Variants in KRTAP19-2 observed in about 807,000 individuals in gnomAD.
The protein encoded by KRTAP19-2 is keratin-associated protein 19-2.
KRTAP19-2 carries 2 observed loss-of-function variants against 0.3 expected under a neutral mutation model. The observed-to-expected ratio is 6.87, with a 90% CI of 2.81 to 21.61. KRTAP19-2 has a LOEUF of 21.61. Among genes scored for constraint, KRTAP19-2 ranks in the 30% most tolerant of loss-of-function variants. The pLI is 0.03. For missense variants in KRTAP19-2, 63 were observed against 63.1 expected (o/e 1.00, Z 0.00); for synonymous variants, 31 against 24.6 (o/e 1.26, Z -0.77).
At position 30,487,214 on chromosome 21, in the gene KRTAP19-2, T is replaced by C; in HGVS notation, c.135A>G (p.Arg45=). ...DGCCCPSCYR[R]YRFTGFY The stretch of plus-strand genomic sequence containing the variant: ...CTTAGTAGAAGCCAGTGAATCTATA[T>C]CTTCTGTAGCATGATGGGCAGCAGC... The change falls in exon 1 of 1, where the codon AGA becomes AGG. Residue 45 remains arginine (R), a synonymous_variant. Coordinates refer to ENST00000334055, the MANE Select transcript of KRTAP19-2 (RefSeq NM_181608.2). The C allele has an allele frequency of 6.2e-7, 1 of 1,614,152 alleles. No individual in the cohort carries two copies. The highest frequency in any genetic ancestry group is 8.5e-7 in the Non-Finnish European group (1 of 1,180,022).
At position 30,487,071 on chromosome 21, in the gene KRTAP19-2, TC is replaced by T. The variant is rs547103435; in HGVS notation, c.*118del. 210 of 1,099,558 alleles carry T rather than the reference TC, an allele frequency of 1.9e-4. No individual in the cohort carries two copies. In the African/African-American group the frequency reaches 3.0e-3, roughly 16 times the overall value. The allele number at this position is 1,099,558 out of a possible 1,614,324, so 68.1% of individuals were successfully genotyped here. On this transcript the variant is annotated 3_prime_UTR_variant, in exon 1 of 1. Transcript: ENST00000334055. ...TAGCCCCTTTGTTTTGGTCAATTTC[TC>T]CCTTTGGAATGGGAGCATTTACACA...
In KRTAP19-2 at chr21:30,487,076, T is replaced by G. The variant is rs1159445972; in HGVS notation, c.*114A>C. 1.7e-6 allele frequency: 2 copies of G among 1,157,748 alleles called. No homozygotes were observed. Among genetic ancestry groups the G allele is most frequent in the African/African-American group, 3.0e-5 (2 of 65,624 alleles). The allele number at this position is 1,157,748 out of a possible 1,614,324, so 71.7% of individuals were successfully genotyped here. On this transcript the variant is annotated 3_prime_UTR_variant, in exon 1 of 1. Transcript: ENST00000334055. ...CCTTTGTTTTGGTCAATTTCTCCCTTTGGAATGGGAGCATTTACACATTTA... is the reference window on the plus strand; with the variant it reads ...CCTTTGTTTTGGTCAATTTCTCCCTGTGGAATGGGAGCATTTACACATTTA...
chr21:30,487,324 A>C lies in KRTAP19-2; in HGVS notation c.25T>G (p.Cys9Gly). Residue 9 changes from cysteine to glycine, a missense_variant, in exon 1 of 1, where the codon TGT (cysteine) becomes GGT (glycine). Transcript: ENST00000334055. Reference sequence around the variant, plus strand: ...TAGCCCAGTCTGCAGAAGCTGCCACATCCACAGCCGTAGCCATAGCACATG... The same window carrying C: ...TAGCCCAGTCTGCAGAAGCTGCCACCTCCACAGCCGTAGCCATAGCACATG... MCYGYGCG[C>G]GSFCRLGYGC... The C allele has an allele frequency of 6.2e-7, 1 of 1,610,442 alleles. No individual in the cohort carries two copies. Among genetic ancestry groups the C allele is most frequent in the South Asian group, 1.1e-5 (1 of 90,892 alleles).
the KRTAP19-2 span, chr21:30,487,309 T>A: frequency 1.2e-6 from 2 of 1,613,942 alleles, no homozygotes; most frequent in Non-Finnish European, 1.7e-6. Flanking sequence ...TAGCCCAGTC[T>A]GCAGAAGCTG....
chr21:30,487,424 G>C lies in KRTAP19-2; in HGVS notation c.-76C>G. ...AGTAGCTCACGGTGTCAGAGATAGT[G>C]AGTTGGGTTTGCTGTCCCAGGCAAG... On this transcript the variant is annotated 5_prime_UTR_variant, in exon 1 of 1. Coordinates refer to ENST00000334055, the MANE Select transcript of KRTAP19-2 (RefSeq NM_181608.2). The C allele has an allele frequency of 1.2e-6, 2 of 1,609,262 alleles. No homozygotes were observed. The highest frequency in any genetic ancestry group is 8.5e-7 in the Non-Finnish European group (1 of 1,176,804).
Position 30,487,085 on chromosome 21 carries a change from G to A in KRTAP19-2, c.*105C>T. 2 of 1,226,086 alleles carry A rather than the reference G, an allele frequency of 1.6e-6. No individual in the cohort carries two copies. Among genetic ancestry groups the A allele is most frequent in the Middle Eastern group, 4.2e-4 (2 of 4,802 alleles). 76.0% of individuals were successfully genotyped at this position (1,226,086 alleles called of 1,614,324 possible). A position where few individuals can be genotyped will look rare whatever the true frequency, so the allele number is the denominator to read the frequency against. On this transcript the variant is annotated 3_prime_UTR_variant, in exon 1 of 1. Transcript: ENST00000334055. ...TGGTCAATTTCTCCCTTTGGAATGG[G>A]AGCATTTACACATTTACACCTTTAC...
rs532965343 is a variant in KRTAP19-2 at position 30,487,140 on chromosome 21, G to A, written c.*50C>T. 25 of 1,574,350 alleles carry A rather than the reference G, an allele frequency of 1.6e-5. No individual in the cohort carries two copies. The highest frequency in any genetic ancestry group is 1.3e-4 in the South Asian group (12 of 90,116). ...ATTGTATCTTAGAAGTAAGTAACTT[G>A]TTTTTAAATCCCTTCAAAATAACAG... On this transcript the variant is annotated 3_prime_UTR_variant, in exon 1 of 1. Transcript: ENST00000334055.
rs1173406103 is a variant in KRTAP19-2, at chr21:30,487,365, C to G, written c.-17G>C. On this transcript the variant is annotated 5_prime_UTR_variant, in exon 1 of 1. Transcript: ENST00000334055. ...ATAGCACATGCCACCAAAGCCTCCA[C>G]AGCCATAGCCCAGACCTCCACAGTA... 1.5e-5 allele frequency: 25 copies of G among 1,613,922 alleles called. No homozygotes were observed. The East Asian group carries it at 5.6e-4, about 36-fold the overall frequency.
chr21:30,487,196 G>C lies in KRTAP19-2; in HGVS notation c.153C>G (p.Phe51Leu). 1 of 1,614,102 alleles carries C rather than the reference G, an allele frequency of 6.2e-7. No individual in the cohort carries two copies. Among genetic ancestry groups the C allele is most frequent in the Non-Finnish European group, 8.5e-7 (1 of 1,179,990 alleles). Residue 51 changes from phenylalanine to leucine, a missense_variant, in exon 1 of 1, where the codon TTC becomes TTG. Coordinates refer to ENST00000334055, the MANE Select transcript of KRTAP19-2 (RefSeq NM_181608.2). Reference sequence around the variant, plus strand: ...GCATCACTAGAGCAGCAGCTTAGTAGAAGCCAGTGAATCTATATCTTCTGT... The same window carrying C: ...GCATCACTAGAGCAGCAGCTTAGTACAAGCCAGTGAATCTATATCTTCTGT... The part of the protein sequence containing the change: ...SCYRRYRFTG[F>L]Y
In KRTAP19-2 at chr21:30,487,326, C is replaced by G; in HGVS notation, c.23G>C (p.Gly8Ala). The G allele has an allele frequency of 1.9e-6, 3 of 1,610,518 alleles. No individual in the cohort carries two copies. Among genetic ancestry groups the G allele is most frequent in the Non-Finnish European group, 2.5e-6 (3 of 1,177,038 alleles). Residue 8 changes from glycine to alanine, a missense_variant, in exon 1 of 1, where the codon GGA (glycine) becomes GCA (alanine). Gly to Ala is a moderately conservative substitution (Grantham distance 60). Transcript: ENST00000334055. ...GCCCAGTCTGCAGAAGCTGCCACAT[C>G]CACAGCCGTAGCCATAGCACATGCC... MCYGYGCGCGSFCRLGYG... is the reference protein window; with the variant it reads MCYGYGCACGSFCRLGYG...
chr21:30,487,286 A>G lies in KRTAP19-2; in HGVS notation c.63T>C (p.Tyr21=), dbSNP rs1053384801. 6.2e-7 allele frequency: 1 copy of G among 1,613,992 alleles called. No individual in the cohort carries two copies. Among genetic ancestry groups the G allele is most frequent in the African/African-American group, 1.3e-5 (1 of 74,900 alleles). ...SFCRLGYGCG[Y]EGCRYGCGHR... ...GGCCACAACCATATCTGCATCCTTCATAGCCGCAGCCATAGCCCAGTCTGC... is the reference window on the plus strand; with the variant it reads ...GGCCACAACCATATCTGCATCCTTCGTAGCCGCAGCCATAGCCCAGTCTGC... The change falls in exon 1 of 1, where the codon TAT becomes TAC. Residue 21 remains tyrosine, a synonymous_variant. Coordinates refer to ENST00000334055, the MANE Select transcript of KRTAP19-2 (RefSeq NM_181608.2).
At position 30,487,207 on chromosome 21, in the gene KRTAP19-2, A is replaced by G; in HGVS notation, c.142T>C (p.Phe48Leu). 2 of 1,614,136 alleles carry G rather than the reference A, an allele frequency of 1.2e-6. No individual in the cohort carries two copies. Among genetic ancestry groups the G allele is most frequent in the Admixed American group, 3.3e-5 (2 of 60,026 alleles). The change falls in exon 1 of 1, where the codon TTC becomes CTC. Residue 48 changes from phenylalanine to leucine, a missense_variant. Transcript: ENST00000334055. ...GCAGCAGCTTAGTAGAAGCCAGTGA[A>G]TCTATATCTTCTGTAGCATGATGGG... ...CCPSCYRRYR[F>L]TGFY
chr21:30,487,318 T>C lies in KRTAP19-2; in HGVS notation c.31A>G (p.Ser11Gly). Reference sequence around the variant, plus strand: ...CAGCCATAGCCCAGTCTGCAGAAGCTGCCACATCCACAGCCGTAGCCATAG... The same window carrying C: ...CAGCCATAGCCCAGTCTGCAGAAGCCGCCACATCCACAGCCGTAGCCATAG... Reference protein sequence around the residue: MCYGYGCGCGSFCRLGYGCGY... With the variant: MCYGYGCGCGGFCRLGYGCGY... The change falls in exon 1 of 1, where the codon AGC (serine) becomes GGC (glycine). Residue 11 changes from serine to glycine, a missense_variant. Transcript: ENST00000334055. The C allele has an allele frequency of 6.2e-7, 1 of 1,613,946 alleles. No homozygotes were observed. The highest frequency in any genetic ancestry group is 8.5e-7 in the Non-Finnish European group (1 of 1,179,922).
chr21:30,487,427 T>G lies in KRTAP19-2; in HGVS notation c.-79A>C, dbSNP rs1985889468. 6.8e-6 allele frequency: 11 copies of G among 1,607,604 alleles called. No individual in the cohort carries two copies. The highest frequency in any genetic ancestry group is 9.4e-6 in the Non-Finnish European group (11 of 1,175,774). Reference sequence around the variant, plus strand: ...AGCTCACGGTGTCAGAGATAGTGAGTTGGGTTTGCTGTCCCAGGCAAGGTC... The same window carrying G: ...AGCTCACGGTGTCAGAGATAGTGAGGTGGGTTTGCTGTCCCAGGCAAGGTC... On this transcript the variant is annotated 5_prime_UTR_variant, in exon 1 of 1. Coordinates refer to ENST00000334055, the MANE Select transcript of KRTAP19-2 (RefSeq NM_181608.2).
Position 30,487,045 on chromosome 21 carries a change from A to T in KRTAP19-2, c.*145T>A, listed in dbSNP as rs779379235. On this transcript the variant is annotated 3_prime_UTR_variant, in exon 1 of 1. Transcript: ENST00000334055. ...GGGTTTTGGACTTGTTTGGGGTCTT[A>T]TAGCCCCTTTGTTTTGGTCAATTTC... The T allele has an allele frequency of 1.6e-5, 13 of 810,946 alleles. No homozygotes were observed. Among genetic ancestry groups the T allele is most frequent in the Non-Finnish European group, 2.5e-5 (13 of 515,420 alleles). The allele number at this position is 810,946 out of a possible 1,614,324, so 50.2% of individuals were successfully genotyped here.
In KRTAP19-2 at chr21:30,487,047, A is replaced by T; in HGVS notation, c.*143T>A. 1 of 817,778 alleles carries T rather than the reference A, an allele frequency of 1.2e-6. No homozygotes were observed. Among genetic ancestry groups the T allele is most frequent in the Admixed American group, 2.5e-5 (1 of 39,726 alleles). The allele number at this position is 817,778 out of a possible 1,614,324, so 50.7% of individuals were successfully genotyped here. On this transcript the variant is annotated 3_prime_UTR_variant, in exon 1 of 1. Coordinates refer to ENST00000334055, the MANE Select transcript of KRTAP19-2 (RefSeq NM_181608.2). Reference sequence around the variant, plus strand: ...GTTTTGGACTTGTTTGGGGTCTTATAGCCCCTTTGTTTTGGTCAATTTCTC... The same window carrying T: ...GTTTTGGACTTGTTTGGGGTCTTATTGCCCCTTTGTTTTGGTCAATTTCTC...
chr21:30,487,061 G>T lies in KRTAP19-2; in HGVS notation c.*129C>A. The T allele has an allele frequency of 6.2e-6, 6 of 964,204 alleles. No homozygotes were observed. Among genetic ancestry groups the T allele is most frequent in the Non-Finnish European group, 9.3e-6 (6 of 644,240 alleles). The allele number at this position is 964,204 out of a possible 1,614,324, so 59.7% of individuals were successfully genotyped here. On this transcript the variant is annotated 3_prime_UTR_variant, in exon 1 of 1. Transcript: ENST00000334055. ...TGGGGTCTTATAGCCCCTTTGTTTT[G>T]GTCAATTTCTCCCTTTGGAATGGGA...
At position 30,487,252 on chromosome 21, in the gene KRTAP19-2, AGCCTCTGTG is replaced by A; in HGVS notation, c.88_96del (p.His30_Gly32del). ...GATGGGCAGCAGCAGCCATCTCCAC[AGCCTCTGTG>A]GCCACAACCATATCTGCATCCTTCA... On this transcript the variant is annotated inframe_deletion, in exon 1 of 1. Transcript: ENST00000334055. The A allele has an allele frequency of 6.2e-7, 1 of 1,614,158 alleles. No individual in the cohort carries two copies. Among genetic ancestry groups the A allele is most frequent in the Non-Finnish European group, 8.5e-7 (1 of 1,180,018 alleles).
In KRTAP19-2 at chr21:30,487,323, C is replaced by A; in HGVS notation, c.26G>T (p.Cys9Phe). The change falls in exon 1 of 1, where the codon TGT becomes TTT. Residue 9 changes from cysteine to phenylalanine, a missense_variant. Coordinates refer to ENST00000334055, the MANE Select transcript of KRTAP19-2 (RefSeq NM_181608.2). ...ATAGCCCAGTCTGCAGAAGCTGCCACATCCACAGCCGTAGCCATAGCACAT... is the reference window on the plus strand; with the variant it reads ...ATAGCCCAGTCTGCAGAAGCTGCCAAATCCACAGCCGTAGCCATAGCACAT... MCYGYGCGCGSFCRLGYGC... is the reference protein window; with the variant it reads MCYGYGCGFGSFCRLGYGC... 1 of 1,610,546 alleles carries A rather than the reference C, an allele frequency of 6.2e-7. No individual in the cohort carries two copies.
Sources: gnomAD v4.1 joint callset for allele counts on GRCh38, gnomAD v4.1.1 for gene constraint, MANE v1.5 for transcripts, NCBI Gene and HGNC (gene_info 2026-07-23, HGNC 2026-07-21) for gene names.